ANK3: variants seen among roughly 807,000 people sequenced by gnomAD.
ANK3 encodes the protein ankyrin-3.
ANK3 carries 57 observed loss-of-function variants against 370.9 expected under a neutral mutation model. That is an observed-to-expected ratio of 0.15 (90% confidence interval 0.12 to 0.19). The LOEUF is 0.19. Ranked by LOEUF, ANK3 falls within the 10% of genes least tolerant of loss-of-function variation. The pLI, the probability that ANK3 is intolerant of heterozygous loss-of-function variation, is 1.00. For missense variants in ANK3, 4,439 were observed against 5,302.1 expected (o/e 0.84, Z 5.06); for synonymous variants, 1,929 against 1,946.3 (o/e 0.99, Z 0.23).
intron 8 of ANK3, among the ~76,000 whole-genome samples, chr10:60,218,097 CTTTTTTT>C (rs199989242): frequency 0.21 from 25,882 of 126,174 alleles, 2,296 homozygotes; most frequent in African/African-American, 0.29. Flanking sequence ...CTTTTTCTTT[CTTTTTTT>C]TTTTTTTTTT....
Position 60,172,893 on chromosome 10 carries a change from C to T in ANK3, c.2382+7G>A, listed in dbSNP as rs755406257. Reference sequence around the variant, plus strand: ...CCTCTTCTCCTGAGCTGGCCCTGAGCGCTTACCACAGTGAGTTCATTGGGG... The same window carrying T: ...CCTCTTCTCCTGAGCTGGCCCTGAGTGCTTACCACAGTGAGTTCATTGGGG... On this transcript the variant is annotated splice_region_variant and intron_variant, in intron 20 of 43. Transcript: ENST00000280772. The T allele has an allele frequency of 1.6e-5, 26 of 1,605,066 alleles. No homozygotes were observed. Among genetic ancestry groups the T allele is most frequent in the South Asian group, 9.9e-5 (9 of 90,706 alleles).
At chr10:60,436,998 C>A (rs766371058) in intron 2 of ANK3, among the ~76,000 whole-genome samples, 34 of 152,136 alleles carry the variant, frequency 2.2e-4, no homozygotes, top group Non-Finnish European at 1.0e-4. Context: ...GGAGTCAGAA[C>A]GCACAGGACC....
chr10:60,580,855 T>A (rs1438340577), intron 2 of ANK3, among the ~76,000 whole-genome samples: 3 of 151,902 alleles, frequency 2.0e-5, no homozygotes, highest in Non-Finnish European at 2.9e-5. Flanking sequence ...GTGGAAAAAA[T>A]TATGAAAGAA....
At chr10:60,669,444 G>A (rs977260231) in intron 1 of ANK3, among the ~76,000 whole-genome samples, 4 of 152,082 alleles carry the variant, frequency 2.6e-5, no homozygotes, top group African/African-American at 9.7e-5. Context: ...TTTACTCAGC[G>A]GTTGGGTACC....
At position 60,074,327 on chromosome 10, in the gene ANK3, T is replaced by G; in HGVS notation, c.6554A>C (p.Gln2185Pro). 1 of 1,614,050 alleles carries G rather than the reference T, an allele frequency of 6.2e-7. No homozygotes were observed. Among genetic ancestry groups the G allele is most frequent in the South Asian group, 1.1e-5 (1 of 91,048 alleles). Residue 2185 changes from glutamine (Q) to proline (P), a missense_variant, in exon 37 of 44, where the codon CAG becomes CCG. This residue lies in a region of ANK3 where 1,601 missense variants were observed against 1,731.7 expected (regional missense o/e 0.92). Coordinates refer to ENST00000280772, the MANE Select transcript of ANK3 (RefSeq NM_020987.5). ...TGACACAGGCTCCTCTGGTTGGGTC[T>G]GGGGAACATCCCCAGCTGAGGGATC... ...SYDPSAGDVPQTQPEEPVSPK... is the reference protein window; with the variant it reads ...SYDPSAGDVPPTQPEEPVSPK...
intron 28 of ANK3, among the ~76,000 whole-genome samples, chr10:60,098,842 C>T (rs1296728102): frequency 2.0e-5 from 3 of 152,038 alleles, no homozygotes; most frequent in Non-Finnish European, 4.4e-5. Context: ...GGGTAGAGAT[C>T]CTCTTTGCTG....
chr10:60,379,712 A>T (rs1000592038), intron 1 of ANK3, among the ~76,000 whole-genome samples: 1 of 152,128 alleles, frequency 6.6e-6, no homozygotes, highest in African/African-American at 2.4e-5. Flanking sequence ...AGAGGCTGGA[A>T]AGGTAGGGGA....
intron 7 of ANK3, among the ~76,000 whole-genome samples, chr10:60,243,188 T>C (rs184944025): frequency 6.6e-6 from 1 of 152,340 alleles, no homozygotes; most frequent in African/African-American, 2.4e-5. Context: ...ATTCTCTGTA[T>C]TGCAGATCTC....
intron 1 of ANK3, among the ~76,000 whole-genome samples, chr10:60,725,028 C>T (rs114412609): frequency 1.5e-3 from 222 of 152,248 alleles, no homozygotes; most frequent in African/African-American, 5.1e-3. Context: ...CTGGATCCCA[C>T]GCAGGCAGCC....
chr10:60,655,749 C>T (rs1015769172), intron 1 of ANK3, among the ~76,000 whole-genome samples: 2 of 152,142 alleles, frequency 1.3e-5, no homozygotes, highest in African/African-American at 4.8e-5. Flanking sequence ...TCACCATTCA[C>T]CCAGGGACTC....
At chr10:60,644,034 T>A (rs1275533867) in intron 1 of ANK3, among the ~76,000 whole-genome samples, 3 of 152,186 alleles carry the variant, frequency 2.0e-5, no homozygotes, top group Non-Finnish European at 4.4e-5. Flanking sequence ...TTATTTTCCA[T>A]CTTTTGTTTA....
At chr10:60,626,419 CAA>C (rs754365501) in intron 1 of ANK3, among the ~76,000 whole-genome samples, 3 of 152,042 alleles carry the variant, frequency 2.0e-5, no homozygotes, top group Non-Finnish European at 4.4e-5. Context: ...ACATCTTCAA[CAA>C]AGATAATGAA....
chr10:60,395,048 T>C (rs2063188218), intron 2 of ANK3, among the ~76,000 whole-genome samples: 1 of 152,200 alleles, frequency 6.6e-6, no homozygotes, highest in Non-Finnish European at 1.5e-5. Context: ...TAGTTTTATT[T>C]AAAATTTCAA....
At chr10:60,355,203 A>T (rs1315021740) in intron 1 of ANK3, among the ~76,000 whole-genome samples, 1 of 152,244 alleles carries the variant, frequency 6.6e-6, no homozygotes, top group East Asian at 1.9e-4. Context: ...TCTTTCAATA[A>T]TCTACATTTC....
At chr10:60,419,003 G>C (rs1414331383) in intron 2 of ANK3, among the ~76,000 whole-genome samples, 1 of 152,068 alleles carries the variant, frequency 6.6e-6, no homozygotes, top group Non-Finnish European at 1.5e-5. Flanking sequence ...TCTCCTAAGT[G>C]TTTTTGATTT....
At chr10:60,296,482 T>C (rs961923684) in intron 1 of ANK3, among the ~76,000 whole-genome samples, 2 of 152,228 alleles carry the variant, frequency 1.3e-5, no homozygotes, top group African/African-American at 4.8e-5. Context: ...AATTAGAGCA[T>C]GTTCCTTTCA....
chr10:60,091,248 T>A (rs2088308647), intron 28 of ANK3, among the ~76,000 whole-genome samples: 1 of 152,206 alleles, frequency 6.6e-6, no homozygotes, highest in African/African-American at 2.4e-5. Flanking sequence ...CTTGCATCTC[T>A]ATGAATAAGG....
chr10:60,169,222 T>C (rs778105235), intron 21 of ANK3, among the ~76,000 whole-genome samples: 1 of 152,186 alleles, frequency 6.6e-6, no homozygotes, highest in African/African-American at 2.4e-5. Context: ...TTTTTGACTT[T>C]GTAATAATTG....
chr10:60,128,504 C>T (rs887969243), intron 25 of ANK3, among the ~76,000 whole-genome samples: 5 of 152,002 alleles, frequency 3.3e-5, no homozygotes, highest in Admixed American at 1.3e-4. Flanking sequence ...CTCAGCCTCC[C>T]GAGTAGCTGG....
Sources: gnomAD v4.1 joint callset for allele counts (sites outside exome capture counted in the v4.1 genomes callset) on GRCh38, gnomAD v4.1.1 for gene constraint, gnomAD v4.1.1 regional missense constraint, MANE v1.5 for transcripts, NCBI Gene and HGNC (gene_info 2026-07-23, HGNC 2026-07-21) for gene names.